Variants in TNC observed in about 807,000 individuals in gnomAD.
The protein encoded by TNC is tenascin.
TNC carries 109 observed loss-of-function variants against 202.4 expected under a neutral mutation model. That is an observed-to-expected ratio of 0.54 (90% CI 0.46 to 0.63). The LOEUF (loss-of-function observed/expected upper bound fraction) is 0.63, where lower values mean the gene tolerates loss of function less well. Among genes scored for constraint, TNC ranks in the 30% least tolerant of loss-of-function variants. The probability of loss-of-function intolerance (pLI) is 0.00; values close to 1 mark genes in which losing one functional copy is unlikely to be tolerated. For synonymous variants in TNC, 1,007 were observed against 1,089.7 expected (o/e 0.92, Z 1.50); for missense variants, 2,756 against 2,833.3 (o/e 0.97, Z 0.62).
chr9:115,085,124 G>A (rs1443102825), intron 3 of TNC, among the ~76,000 whole-genome samples: 3 of 152,146 alleles, frequency 2.0e-5, no homozygotes, highest in Non-Finnish European at 4.4e-5. Context: ...TTAAATATGA[G>A]CATTAATTTT....
rs763468090 is a variant in TNC, at chr9:115,090,825, G to A, written c.194C>T (p.Ser65Leu). Residue 65 changes from serine (S) to leucine (L), a missense_variant, in exon 2 of 28, where the codon TCG becomes TTG. Physicochemically the swap from Ser to Leu is moderately radical, Grantham distance 145. Around this residue, in one of 2 missense-constraint regions of TNC, gnomAD observed 2,559 missense variants for 2,546.0 expected, o/e 1.01. Coordinates refer to ENST00000350763, the MANE Select transcript of TNC (RefSeq NM_002160.4). The stretch of plus-strand genomic sequence containing the variant: ...CCCACTGGCTGACTCCAGATCCACC[G>A]AACACTGGGATCCCACTGGCAGCTT... ...NIKLPVGSQCSVDLESASGEK... is the reference protein window; with the variant it reads ...NIKLPVGSQCLVDLESASGEK... 2.2e-5 allele frequency: 36 copies of A among 1,614,058 alleles called. No homozygotes were observed. The Admixed American group carries it at 4.8e-4, about 22-fold the overall frequency.
At chr9:115,074,077 A>G (rs1833666245) in intron 9 of TNC, among the ~76,000 whole-genome samples, 2 of 152,206 alleles carry the variant, frequency 1.3e-5, no homozygotes, top group South Asian at 4.1e-4. Context: ...GGAGTCTGAG[A>G]AGATTGAAAA....
intron 12 of TNC, 54 bp downstream of exon 12, chr9:115,063,742 C>T (rs1254025112): frequency 1.9e-6 from 3 of 1,564,340 alleles, no homozygotes; most frequent in Non-Finnish European, 2.6e-6. Flanking sequence ...GCTTTGATTC[C>T]TCCCGAGCAG....
At chr9:115,089,887 G>C (rs1835086574) in intron 2 of TNC, among the ~76,000 whole-genome samples, 1 of 152,182 alleles carries the variant, frequency 6.6e-6, no homozygotes, top group African/African-American at 2.4e-5. Flanking sequence ...TGTAGAAGAG[G>C]ACTTATCTTC....
intron 3 of TNC, 76 bp downstream of exon 3, chr9:115,085,788 A>G: frequency 7.6e-7 from 1 of 1,317,084 alleles, no homozygotes; most frequent in Non-Finnish European, 1.0e-6. Flanking sequence ...TATATATATA[A>G]ACGTAGTTTT....
At chr9:115,067,448 T>C (rs1278691439) in intron 10 of TNC, among the ~76,000 whole-genome samples, 1 of 152,238 alleles carries the variant, frequency 6.6e-6, no homozygotes, top group Admixed American at 6.5e-5. Flanking sequence ...GTGTCTATCT[T>C]TTAATCCTTA....
At chr9:115,093,891 T>C (rs890648049) in intron 1 of TNC, among the ~76,000 whole-genome samples, 1 of 152,106 alleles carries the variant, frequency 6.6e-6, no homozygotes, top group African/African-American at 2.4e-5. Context: ...TTCTTGAGCA[T>C]TGTGTATTTC....
intron 9 of TNC, 25 bp from the exon 10 acceptor site, chr9:115,073,891 T>A (rs1362106982): frequency 6.2e-7 from 1 of 1,600,008 alleles, no homozygotes; most frequent in East Asian, 2.2e-5. Context: ...GAGAGATGAA[T>A]GCTCTTCAGG....
chr9:115,040,363 A>T (rs898240930), intron 19 of TNC, among the ~76,000 whole-genome samples: 1 of 152,230 alleles, frequency 6.6e-6, no homozygotes, highest in Non-Finnish European at 1.5e-5. Context: ...AAGAGCCACC[A>T]AATAGAGAGG....
chr9:115,048,881 T>G (rs751677320), intron 15 of TNC, among the ~76,000 whole-genome samples: 5 of 152,118 alleles, frequency 3.3e-5, no homozygotes, highest in Non-Finnish European at 7.4e-5. Context: ...TACAAATAGG[T>G]TGCATTTTGT....
In TNC at chr9:115,036,139, C is replaced by G. The variant is rs139636928; in HGVS notation, c.5615G>C (p.Gly1872Ala). The G allele has an allele frequency of 1.2e-4, 187 of 1,614,138 alleles. No homozygotes were observed. The African/African-American group carries it at 1.5e-3, about 13-fold the overall frequency. The change falls in exon 21 of 28, where the codon GGG becomes GCG. Residue 1872 changes from glycine to alanine, a missense_variant. Coordinates refer to ENST00000350763, the MANE Select transcript of TNC (RefSeq NM_002160.4). Reference sequence around the variant, plus strand: ...AGTGATGGTTGAGCTCTTCTGGGGCCCTTTCTCTGCAAAGATTCTCAGTGT... The same window carrying G: ...AGTGATGGTTGAGCTCTTCTGGGGCGCTTTCTCTGCAAAGATTCTCAGTGT... The part of the protein sequence containing the change: ...EYTLRIFAEK[G>A]PQKSSTITAK...
chr9:115,104,671 T>C (rs1836481711), intron 1 of TNC, among the ~76,000 whole-genome samples: 1 of 152,164 alleles, frequency 6.6e-6, no homozygotes, highest in Non-Finnish European at 1.5e-5. Context: ...GTTACACATA[T>C]GTTAGTATAT....
At chr9:115,043,466 G>A (rs928956037) in intron 17 of TNC, among the ~76,000 whole-genome samples, 11 of 152,126 alleles carry the variant, frequency 7.2e-5, no homozygotes, top group Admixed American at 3.9e-4. Flanking sequence ...CTGAGAGGCT[G>A]GGTGACCTTG....
Position 115,038,269 on chromosome 9 carries a change from C to T in TNC, c.5504G>A (p.Gly1835Asp), listed in dbSNP as rs1295287620. 3.1e-6 allele frequency: 5 copies of T among 1,613,824 alleles called. No homozygotes were observed. The highest frequency in any genetic ancestry group is 4.2e-6 in the Non-Finnish European group (5 of 1,179,780). ...CTTGGACAAAACCTTACCTTTCTCG[C>T]CTGTGTAGGAGATGACATAACTGTC... ...TVDSYVISYT[G>D]EKVPEITRTV... Residue 1835 changes from glycine (G) to aspartate (D), a missense_variant, in exon 20 of 28, where the codon GGC becomes GAC. Transcript: ENST00000350763.
chr9:115,090,799 C>T lies in TNC; in HGVS notation c.220G>A (p.Glu74Lys). 6.2e-7 allele frequency: 1 copy of T among 1,614,204 alleles called. No homozygotes were observed. The highest frequency in any genetic ancestry group is 1.3e-5 in the African/African-American group (1 of 75,058). The stretch of plus-strand genomic sequence containing the variant: ...TCTGAAGGCGGTGCCAGGTCTTTCT[C>T]CCCACTGGCTGACTCCAGATCCACC... ...CSVDLESASG[E>K]KDLAPPSEPS... Residue 74 changes from glutamate to lysine, a missense_variant, in exon 2 of 28, where the codon GAG (glutamate) becomes AAG (lysine). Physicochemically the swap from Glu to Lys is moderately conservative, Grantham distance 56. Around this residue, in one of 2 missense-constraint regions of TNC, gnomAD observed 2,559 missense variants for 2,546.0 expected, o/e 1.01. Transcript: ENST00000350763.
In TNC at chr9:115,025,685, A is replaced by G. The variant is rs569901235; in HGVS notation, c.6331+849T>C. Among the ~76,000 whole-genome samples the G allele has an allele frequency of 8.5e-5, 13 of 152,362 alleles. No homozygotes were observed. In the South Asian group the frequency reaches 2.7e-3, roughly 32 times the overall value. Reference sequence around the variant, plus strand: ...TCTGAACTTCTTTCCTCCTCTGTATAAAAACAACGTCTTCATAAAATGGTT... The same window carrying G: ...TCTGAACTTCTTTCCTCCTCTGTATGAAAACAACGTCTTCATAAAATGGTT... On this transcript the variant is annotated intron_variant, in intron 26 of 27. Coordinates refer to ENST00000350763, the MANE Select transcript of TNC (RefSeq NM_002160.4).
chr9:115,038,527 G>T, intron 19 of TNC, 147 bp from the exon 20 acceptor site: 1 of 1,053,134 alleles, frequency 9.5e-7, no homozygotes, highest in African/African-American at 1.6e-5. Flanking sequence ...CCTGGAGCCA[G>T]CCTGACCTGG....
Position 115,090,879 on chromosome 9 carries a change from G to T in TNC, c.140C>A (p.Pro47Gln). The T allele has an allele frequency of 6.2e-7, 1 of 1,614,214 alleles. No individual in the cohort carries two copies. The highest frequency in any genetic ancestry group is 1.3e-5 in the African/African-American group (1 of 75,050). The stretch of plus-strand genomic sequence containing the variant: ...GTTGTAAACGTGGTTAAACACCACT[G>T]GCTGGTTCTCTTCTGGCAGGGTGGC... ...VNATLPEENQPVVFNHVYNIK... is the reference protein window; with the variant it reads ...VNATLPEENQQVVFNHVYNIK... Residue 47 changes from proline (P) to glutamine (Q), a missense_variant, in exon 2 of 28, where the codon CCA becomes CAA. This residue lies in a region of TNC where 2,559 missense variants were observed against 2,546.0 expected (regional missense o/e 1.01). Coordinates refer to ENST00000350763, the MANE Select transcript of TNC (RefSeq NM_002160.4).
chr9:115,026,807 C>T (rs1180741661), intron 25 of TNC, 112 bp from the exon 26 acceptor site: 1 of 720,380 alleles, frequency 1.4e-6, no homozygotes, highest in East Asian at 7.0e-5. Context: ...CCAACTGGGC[C>T]CAGTGGCTCA....
Sources: gnomAD v4.1 joint callset for allele counts (sites outside exome capture counted in the v4.1 genomes callset) on GRCh38, gnomAD v4.1.1 for gene constraint, gnomAD v4.1.1 regional missense constraint, MANE v1.5 for transcripts, NCBI Gene and HGNC (gene_info 2026-07-23, HGNC 2026-07-21) for gene names.